Variants in TOM1L2 observed in about 807,000 individuals in gnomAD.
The protein encoded by TOM1L2 is target of myb1 like 2 membrane trafficking protein, also known as TOM1-like protein 2.
A neutral mutation model predicts 67.9 loss-of-function variants in TOM1L2; 31 were observed. The ratio of observed to expected loss-of-function variants is 0.46; its 90% CI spans 0.34 to 0.62. The LOEUF is 0.62. TOM1L2 is among the 20% of genes least tolerant of loss of function. The probability of loss-of-function intolerance (pLI) is 0.01; values close to 1 mark genes in which losing one functional copy is unlikely to be tolerated. For missense variants in TOM1L2, 606 were observed against 663.5 expected, an observed-to-expected ratio of 0.91 and a Z score of 0.95; for synonymous variants, 256 against 254.0, an observed-to-expected ratio of 1.01 and a Z score of -0.07.
intron 1 of TOM1L2, among the ~76,000 whole-genome samples, chr17:17,910,066 T>C (rs773152958): frequency 6.6e-6 from 1 of 152,098 alleles, no homozygotes; most frequent in African/African-American, 2.4e-5. Context: ...AATGATAAAT[T>C]TAATGTTATG....
intron 2 of TOM1L2, among the ~76,000 whole-genome samples, chr17:17,903,899 C>T (rs571864502): frequency 2.4e-3 from 359 of 152,034 alleles, no homozygotes; most frequent in Non-Finnish European, 4.2e-3. Flanking sequence ...GAAGGGACAG[C>T]AGGTCAGAGG....
At chr17:17,945,835 A>T (rs986465379) in intron 1 of TOM1L2, among the ~76,000 whole-genome samples, 49 of 152,244 alleles carry the variant, frequency 3.2e-4, no homozygotes, top group African/African-American at 1.1e-3. Flanking sequence ...GTCTGCCACC[A>T]CCCTAATTCA....
At chr17:17,870,896 C>G (rs1310569570) in intron 7 of TOM1L2, among the ~76,000 whole-genome samples, 1 of 152,200 alleles carries the variant, frequency 6.6e-6, no homozygotes, top group Non-Finnish European at 1.5e-5. Context: ...TCAAAGGCAT[C>G]CCCCCTGCAT....
chr17:17,875,144 C>T (rs1391091351), intron 7 of TOM1L2, among the ~76,000 whole-genome samples: 1 of 151,990 alleles, frequency 6.6e-6, no homozygotes, highest in Non-Finnish European at 1.5e-5. Context: ...GTAATCCCAG[C>T]TACTCGGGAG....
At chr17:17,870,582 A>G (rs562122399) in intron 7 of TOM1L2, among the ~76,000 whole-genome samples, 9 of 152,300 alleles carry the variant, frequency 5.9e-5, no homozygotes, top group African/African-American at 2.2e-4. Flanking sequence ...GACATGAAGG[A>G]TAAGTCTCTC....
At position 17,898,586 on chromosome 17, in the gene TOM1L2, T is replaced by G; in HGVS notation, c.216+10A>C. ...AGATGACTTCTCTCCTCAAGGAGAA[T>G]AGCACTCACTGTTAATGCCAGCATC... On this transcript the variant is annotated intron_variant, in intron 3 of 14. Transcript: ENST00000379504. 1 of 1,614,122 alleles carries G rather than the reference T, an allele frequency of 6.2e-7. No homozygotes were observed. Among genetic ancestry groups the G allele is most frequent in the Non-Finnish European group, 8.5e-7 (1 of 1,179,976 alleles).
At chr17:17,849,240 GC>G (rs2035824882) in intron 13 of TOM1L2, among the ~76,000 whole-genome samples, 1 of 152,242 alleles carries the variant, frequency 6.6e-6, no homozygotes, top group African/African-American at 2.4e-5. Flanking sequence ...AGGGGGCTGA[GC>G]CTGAGCACAC....
intron 1 of TOM1L2, among the ~76,000 whole-genome samples, chr17:17,952,581 A>C (rs1444783740): frequency 6.6e-6 from 1 of 151,618 alleles, no homozygotes; most frequent in African/African-American, 2.4e-5. Context: ...TCTTTGTAGC[A>C]ACAAGGTCTT....
chr17:17,956,637 G>A (rs1408936135), intron 1 of TOM1L2, among the ~76,000 whole-genome samples: 4 of 152,332 alleles, frequency 2.6e-5, no homozygotes, highest in South Asian at 2.1e-4. Context: ...GTCCTGCCCC[G>A]CAGGGAGACC....
At chr17:17,884,561 A>G in intron 5 of TOM1L2, 73 bp downstream of exon 5, 1 of 1,588,742 alleles carries the variant, frequency 6.3e-7, no homozygotes, top group Non-Finnish European at 8.6e-7. Flanking sequence ...GCAGCAGCAG[A>G]AGGGTGGCTG....
At chr17:17,921,224 T>C (rs2039853965) in intron 1 of TOM1L2, among the ~76,000 whole-genome samples, 1 of 152,178 alleles carries the variant, frequency 6.6e-6, no homozygotes. Flanking sequence ...TTCCACACCC[T>C]GGCCTCATTA....
chr17:17,862,345 G>T (rs1274711293), intron 11 of TOM1L2: 2 of 163,850 alleles, frequency 1.2e-5, no homozygotes, highest in South Asian at 1.9e-4. Flanking sequence ...AAATCTCGCT[G>T]TAAGGAATGG....
At chr17:17,957,956 G>T (rs1438001895) in intron 1 of TOM1L2, among the ~76,000 whole-genome samples, 3 of 152,054 alleles carry the variant, frequency 2.0e-5, no homozygotes, top group Non-Finnish European at 4.4e-5. Flanking sequence ...CGGGCGTGGT[G>T]GTGGGCGCCT....
intron 1 of TOM1L2, among the ~76,000 whole-genome samples, chr17:17,923,645 G>A (rs903802873): frequency 6.6e-5 from 10 of 151,900 alleles, no homozygotes; most frequent in South Asian, 2.1e-4. Context: ...AGTCGTGATC[G>A]CACCACTGCA....
chr17:17,926,684 T>G (rs550216924), intron 1 of TOM1L2, among the ~76,000 whole-genome samples: 2 of 151,834 alleles, frequency 1.3e-5, no homozygotes, highest in Non-Finnish European at 2.9e-5. Context: ...ATGGTGAAAC[T>G]CCATCTTTAC....
chr17:17,947,625 C>T (rs866763168), intron 1 of TOM1L2, among the ~76,000 whole-genome samples: 8 of 152,136 alleles, frequency 5.3e-5, no homozygotes, highest in African/African-American at 1.9e-4. Context: ...AAAATAAGTT[C>T]GGTTAAGCCT....
At chr17:17,865,159 GTTTCT>G (rs776398222) in intron 10 of TOM1L2, among the ~76,000 whole-genome samples, 27 of 152,220 alleles carry the variant, frequency 1.8e-4, no homozygotes, top group Non-Finnish European at 2.9e-4. Flanking sequence ...AAAGTGGTGA[GTTTCT>G]TTTAAGTTCC....
intron 10 of TOM1L2, among the ~76,000 whole-genome samples, chr17:17,864,404 G>A (rs2036728879): frequency 6.7e-6 from 1 of 149,964 alleles, no homozygotes; most frequent in Non-Finnish European, 1.5e-5. Context: ...TAGAGACAGG[G>A]TTTCACCGTG....
intron 1 of TOM1L2, among the ~76,000 whole-genome samples, chr17:17,923,707 A>C (rs968208503): frequency 6.6e-6 from 1 of 151,940 alleles, no homozygotes; most frequent in Admixed American, 6.6e-5. Context: ...AAAAGTTAAA[A>C]TTGTAGATTT....
Sources: allele counts gnomAD v4.1 joint callset (sites outside exome capture counted in the v4.1 genomes callset), GRCh38; gene constraint gnomAD v4.1.1; transcripts MANE v1.5; gene names NCBI Gene and HGNC (gene_info 2026-07-23, HGNC 2026-07-21).